SEMA3E: variants seen among roughly 807,000 people sequenced by gnomAD.
SEMA3E encodes the protein semaphorin-3E.
A neutral mutation model predicts 93.6 loss-of-function variants in SEMA3E; 49 were observed. That is an observed-to-expected ratio of 0.52 (90% CI 0.42 to 0.66). The LOEUF (loss-of-function observed/expected upper bound fraction) is 0.66, where lower values mean the gene tolerates loss of function less well. SEMA3E is among the 30% of genes least tolerant of loss of function. The pLI, the probability that SEMA3E is intolerant of heterozygous loss-of-function variation, is 0.00. For missense variants in SEMA3E, 906 were observed against 964.8 expected (o/e 0.94, Z 0.81); for synonymous variants, 363 against 330.7 (o/e 1.10, Z -1.06).
chr7:83,407,009 A>C, intron 7 of SEMA3E, 88 bp downstream of exon 7: 1 of 1,498,514 alleles, frequency 6.7e-7, no homozygotes, highest in Middle Eastern at 1.7e-4. Flanking sequence ...ACTAGAAAAT[A>C]TTTAAAAGTA....
chr7:83,562,858 A>G (rs1274038607), intron 1 of SEMA3E, among the ~76,000 whole-genome samples: 1 of 152,184 alleles, frequency 6.6e-6, no homozygotes, highest in Non-Finnish European at 1.5e-5. Context: ...AAATCTCATC[A>G]GAATCCCAAG....
At chr7:83,576,963 C>A (rs2115890373) in intron 1 of SEMA3E, among the ~76,000 whole-genome samples, 1 of 152,200 alleles carries the variant, frequency 6.6e-6, no homozygotes, top group African/African-American at 2.4e-5. Flanking sequence ...AACTAAAATT[C>A]CAAATAATTT....
intron 1 of SEMA3E, among the ~76,000 whole-genome samples, chr7:83,552,653 G>A (rs1408136751): frequency 6.6e-6 from 1 of 152,018 alleles, no homozygotes; most frequent in African/African-American, 2.4e-5. Context: ...CTGGTGGGAG[G>A]TCTATAAATG....
intron 4 of SEMA3E, among the ~76,000 whole-genome samples, chr7:83,446,212 C>A (rs140623141): frequency 6.6e-6 from 1 of 152,128 alleles, no homozygotes; most frequent in Admixed American, 6.5e-5. Flanking sequence ...TAATCTATTC[C>A]CATCCACCCT....
At chr7:83,612,148 A>G (rs1277247956) in intron 1 of SEMA3E, among the ~76,000 whole-genome samples, 1 of 152,158 alleles carries the variant, frequency 6.6e-6, no homozygotes, top group Non-Finnish European at 1.5e-5. Context: ...TATGTAAAAA[A>G]GAATCCCTGG....
chr7:83,580,197 G>C (rs1394090160), intron 1 of SEMA3E, among the ~76,000 whole-genome samples: 8 of 151,970 alleles, frequency 5.3e-5, no homozygotes, highest in Admixed American at 1.3e-4. Context: ...CTTACAAATA[G>C]AAAGAATATT....
At chr7:83,554,588 G>A (rs1179657152) in intron 1 of SEMA3E, among the ~76,000 whole-genome samples, 1 of 152,070 alleles carries the variant, frequency 6.6e-6, no homozygotes, top group Non-Finnish European at 1.5e-5. Context: ...TCCAAATGTA[G>A]TAATGTAATA....
At chr7:83,475,831 G>T (rs1416657137) in intron 2 of SEMA3E, among the ~76,000 whole-genome samples, 1 of 152,156 alleles carries the variant, frequency 6.6e-6, no homozygotes, top group East Asian at 1.9e-4. Flanking sequence ...GCTTTTCTAG[G>T]ATTGCCAGAA....
intron 1 of SEMA3E, among the ~76,000 whole-genome samples, chr7:83,583,058 A>C (rs2115916645): frequency 6.6e-6 from 1 of 152,232 alleles, no homozygotes; most frequent in South Asian, 2.1e-4. Flanking sequence ...ATAACACTAA[A>C]ATTACTTATT....
intron 2 of SEMA3E, among the ~76,000 whole-genome samples, chr7:83,482,285 G>A (rs1790159244): frequency 6.6e-6 from 1 of 152,214 alleles, no homozygotes; most frequent in South Asian, 2.1e-4. Flanking sequence ...ATTTGCAAGA[G>A]GCCAGGCGCA....
At chr7:83,368,559 C>CA (rs1397302836) in intron 16 of SEMA3E, among the ~76,000 whole-genome samples, 2 of 152,022 alleles carry the variant, frequency 1.3e-5, no homozygotes, top group African/African-American at 2.4e-5. Flanking sequence ...TGTCGTCTTA[C>CA]AAAAAAATTC....
In SEMA3E at chr7:83,586,388, G is replaced by A. The variant is rs567154722; in HGVS notation, c.115+62040C>T. ...GGCTGGATTAGGAGTTGTGAATTTG[G>A]CATTACTAAACCATGTGGGACACCT... On this transcript the variant is annotated intron_variant, in intron 1 of 16. Coordinates refer to ENST00000643230, the MANE Select transcript of SEMA3E (RefSeq NM_012431.3). Among the ~76,000 whole-genome samples, 112 of 151,920 alleles carry A rather than the reference G, an allele frequency of 7.4e-4. 1 individual carries two copies. The Middle Eastern group carries it at 0.01, about 14-fold the overall frequency.
At chr7:83,508,422 C>G (rs1274767535) in intron 1 of SEMA3E, among the ~76,000 whole-genome samples, 1 of 151,962 alleles carries the variant, frequency 6.6e-6, no homozygotes, top group Non-Finnish European at 1.5e-5. Context: ...GCCACCACAC[C>G]CGGCTAATTT....
chr7:83,467,517 G>T (rs1789794216), intron 3 of SEMA3E, among the ~76,000 whole-genome samples: 1 of 152,166 alleles, frequency 6.6e-6, no homozygotes. Context: ...AGAAATAGTA[G>T]TAGACTGGGG....
intron 1 of SEMA3E, among the ~76,000 whole-genome samples, chr7:83,578,831 C>T (rs957453487): frequency 6.6e-6 from 1 of 151,940 alleles, no homozygotes; most frequent in African/African-American, 2.4e-5. Flanking sequence ...AATGATTATG[C>T]CTAAATTTGA....
At chr7:83,574,579 T>C (rs991649960) in intron 1 of SEMA3E, among the ~76,000 whole-genome samples, 1 of 152,140 alleles carries the variant, frequency 6.6e-6, no homozygotes, top group Non-Finnish European at 1.5e-5. Flanking sequence ...GGTTTAGCCA[T>C]GTGATTTTCT....
chr7:83,437,135 C>T (rs1789021339), intron 4 of SEMA3E, among the ~76,000 whole-genome samples: 1 of 151,994 alleles, frequency 6.6e-6, no homozygotes, highest in East Asian at 1.9e-4. Context: ...AGATTTGGGT[C>T]AGGAGACAGC....
intron 1 of SEMA3E, among the ~76,000 whole-genome samples, chr7:83,499,254 A>G (rs2115592603): frequency 6.6e-6 from 1 of 152,284 alleles, no homozygotes; most frequent in South Asian, 2.1e-4. Context: ...TTTAAAGTGG[A>G]ATTACCGGGT....
chr7:83,512,741 AT>A (rs1315549015), intron 1 of SEMA3E, among the ~76,000 whole-genome samples: 1 of 152,214 alleles, frequency 6.6e-6, no homozygotes, highest in Non-Finnish European at 1.5e-5. Flanking sequence ...TACTTTGAAT[AT>A]GATGATACAA....
Sources: gnomAD v4.1 joint callset for allele counts (sites outside exome capture counted in the v4.1 genomes callset) on GRCh38, gnomAD v4.1.1 for gene constraint, MANE v1.5 for transcripts, NCBI Gene and HGNC (gene_info 2026-07-23, HGNC 2026-07-21) for gene names.